The following KATNA1 variants were observed in gnomAD, a reference collection of about 807,000 sequenced individuals.
KATNA1 encodes katanin catalytic subunit A1.
KATNA1 carries 42 observed loss-of-function variants against 62.6 expected under a neutral mutation model. That is an observed-to-expected ratio of 0.67 (90% CI 0.52 to 0.87). The LOEUF is 0.87. KATNA1 is among the 40% of genes least tolerant of loss of function. The pLI, the probability that KATNA1 is intolerant of heterozygous loss-of-function variation, is 0.00. For synonymous variants in KATNA1, 186 were observed against 201.9 expected (o/e 0.92, Z 0.67); for missense variants, 498 against 612.5 (o/e 0.81, Z 1.97).
chr6:149,597,273 G>A (rs2115073732), intron 9 of KATNA1, 84 bp from the exon 10 acceptor site: 3 of 1,426,474 alleles, frequency 2.1e-6, no homozygotes, highest in Admixed American at 2.1e-5. Context: ...TGTGTGAGAT[G>A]TTGTCTTCCA....
chr6:149,599,571 C>T (rs1247284083), intron 7 of KATNA1, among the ~76,000 whole-genome samples: 4 of 147,100 alleles, frequency 2.7e-5, no homozygotes, highest in Non-Finnish European at 6.1e-5. Context: ...CCTCCCCTCT[C>T]CCCTCTCCCC....
chr6:149,604,965 G>A (rs1035348414), intron 4 of KATNA1, among the ~76,000 whole-genome samples, 183 bp from the exon 5 acceptor site: 1 of 152,076 alleles, frequency 6.6e-6, no homozygotes, highest in African/African-American at 2.4e-5. Flanking sequence ...ACGAGGTCAG[G>A]AAATCGAGAC....
At position 149,616,125 on chromosome 6, in the gene KATNA1, G is replaced by C. The variant is rs115443253; in HGVS notation, c.501+6978C>G. ...GAGTTTCAGCTTTGCAAGATGAAGA[G>C]ATCTGAAAATGAATGGTTGTGATGG... is the stretch of plus-strand genomic sequence containing the variant. On this transcript the variant is annotated intron_variant, in intron 4 of 10. Coordinates refer to ENST00000367411, the MANE Select transcript of KATNA1 (RefSeq NM_007044.4). 8.1e-3 allele frequency among the ~76,000 whole-genome samples: 1,235 copies of C among 152,274 alleles called. 24 individuals carry two copies. Among genetic ancestry groups the C allele is most frequent in the African/African-American group, 0.029 (1,189 of 41,548 alleles).
chr6:149,647,064 G>C (rs942317498), intron 1 of KATNA1, among the ~76,000 whole-genome samples: 1 of 151,846 alleles, frequency 6.6e-6, no homozygotes, highest in African/African-American at 2.4e-5. Flanking sequence ...AAATGTAAAC[G>C]CTTCTTGAAT....
intron 2 of KATNA1, among the ~76,000 whole-genome samples, chr6:149,636,959 C>G (rs1562301122): frequency 6.6e-6 from 1 of 151,670 alleles, no homozygotes; most frequent in Non-Finnish European, 1.5e-5. Flanking sequence ...TTTTCTTAAC[C>G]TTTTTTTCCT....
At chr6:149,637,386 G>C (rs935782966) in intron 2 of KATNA1, among the ~76,000 whole-genome samples, 1 of 152,084 alleles carries the variant, frequency 6.6e-6, no homozygotes. Flanking sequence ...CTGGGCAAGA[G>C]AGCAAGACCC....
chr6:149,628,124 C>T (rs1288405131), intron 3 of KATNA1, among the ~76,000 whole-genome samples: 7 of 149,808 alleles, frequency 4.7e-5, no homozygotes, highest in African/African-American at 7.4e-5. Context: ...TTTTTTGAAA[C>T]GGAGTGTCTG....
At position 149,622,641 on chromosome 6, in the gene KATNA1, T is replaced by C. The variant is rs117207748; in HGVS notation, c.501+462A>G. Among the ~76,000 whole-genome samples, 39 of 151,920 alleles carry C rather than the reference T, an allele frequency of 2.6e-4. 3 individuals carry two copies. The East Asian group carries it at 7.5e-3, about 29-fold the overall frequency. ...ATTGCAAGTGGGGAAAATCCCAGCC[T>C]AGATGTAGTATAACTAAGGTTTTAT... On this transcript the variant is annotated intron_variant, in intron 4 of 10. Transcript: ENST00000367411.
chr6:149,608,314 G>A (rs1778816511), intron 4 of KATNA1, among the ~76,000 whole-genome samples: 2 of 152,088 alleles, frequency 1.3e-5, no homozygotes, highest in South Asian at 4.1e-4. Context: ...ACTCAAACAT[G>A]GTGTGAGTTC....
At chr6:149,633,423 A>G (rs1296304247) in intron 2 of KATNA1, among the ~76,000 whole-genome samples, 4 of 152,106 alleles carry the variant, frequency 2.6e-5, no homozygotes, top group Non-Finnish European at 5.9e-5. Context: ...TGCAAAATTA[A>G]TTCTGATAAA....
intron 6 of KATNA1, among the ~76,000 whole-genome samples, chr6:149,601,995 C>T (rs780348499): frequency 6.6e-6 from 1 of 152,178 alleles, no homozygotes; most frequent in Admixed American, 6.5e-5. Flanking sequence ...AATATCAGCA[C>T]CCTAACAGAG....
intron 3 of KATNA1, chr6:149,631,547 T>TAA (rs1320297823): frequency 9.2e-6 from 1 of 108,718 alleles, no homozygotes; most frequent in African/African-American, 4.1e-5. Flanking sequence ...TAACTAGTCT[T>TAA]AAAAAAACAA....
At chr6:149,598,452 C>T in intron 7 of KATNA1, 102 bp from the exon 8 acceptor site, 3 of 1,134,138 alleles carry the variant, frequency 2.6e-6, no homozygotes, top group East Asian at 2.6e-5. Flanking sequence ...AGGCTGGGCA[C>T]AGTGGCTCAC....
chr6:149,625,496 G>C (rs941043921), intron 3 of KATNA1, among the ~76,000 whole-genome samples: 1 of 151,860 alleles, frequency 6.6e-6, no homozygotes, highest in African/African-American at 2.4e-5. Context: ...TGGGTGTGGT[G>C]GCACGCACTG....
At chr6:149,641,467 C>A (rs924333231) in intron 1 of KATNA1, among the ~76,000 whole-genome samples, 1 of 151,960 alleles carries the variant, frequency 6.6e-6, no homozygotes, top group African/African-American at 2.4e-5. Flanking sequence ...TGAGCCACAG[C>A]GCCTGGCCTG....
At chr6:149,640,441 G>C (rs1034590131) in intron 1 of KATNA1, among the ~76,000 whole-genome samples, 1 of 152,118 alleles carries the variant, frequency 6.6e-6, no homozygotes, top group African/African-American at 2.4e-5. Flanking sequence ...CTGGGCAACA[G>C]AGACAGAGTG....
At chr6:149,631,331 A>C (rs1779827402) in intron 3 of KATNA1, 1 of 152,144 alleles carries the variant, frequency 6.6e-6, no homozygotes, top group Non-Finnish European at 1.5e-5. Flanking sequence ...CTCAGGAGGC[A>C]GAGGTTGCAG....
At chr6:149,643,556 T>C (rs1013922283) in intron 1 of KATNA1, among the ~76,000 whole-genome samples, 1 of 152,218 alleles carries the variant, frequency 6.6e-6, no homozygotes, top group African/African-American at 2.4e-5. Flanking sequence ...ATATTCTATC[T>C]TAATAAAAGC....
intron 3 of KATNA1, among the ~76,000 whole-genome samples, chr6:149,631,740 T>G (rs533856921): frequency 4.6e-5 from 7 of 152,154 alleles, no homozygotes; most frequent in Non-Finnish European, 8.8e-5. Flanking sequence ...TAATACAAAC[T>G]AGGAAATCTA....
Sources: gnomAD v4.1 joint callset for allele counts (sites outside exome capture counted in the v4.1 genomes callset) on GRCh38, gnomAD v4.1.1 for gene constraint, MANE v1.5 for transcripts, NCBI Gene and HGNC (gene_info 2026-07-23, HGNC 2026-07-21) for gene names.